The following MYCBP2 variants were observed in gnomAD, a reference collection of about 807,000 sequenced individuals.
MYCBP2 encodes the protein MYC binding protein 2, also known as E3 ubiquitin-protein ligase MYCBP2.
In MYCBP2, 120 loss-of-function variants were observed where a neutral mutation model predicts 525.3. The observed-to-expected ratio is 0.23, with a 90% CI of 0.20 to 0.27. MYCBP2 has a LOEUF of 0.27. Among genes scored for constraint, MYCBP2 ranks in the 10% least tolerant of loss-of-function variants. The pLI is 1.00. For synonymous variants in MYCBP2, 1,894 were observed against 1,955.8 expected, an observed-to-expected ratio of 0.97 and a Z score of 0.83; for missense variants, 4,149 against 5,657.1, an observed-to-expected ratio of 0.73 and a Z score of 8.55.
intron 17 of MYCBP2, among the ~76,000 whole-genome samples, chr13:77,239,444 A>G (rs942852643): frequency 8.5e-5 from 13 of 152,204 alleles, no homozygotes; most frequent in Non-Finnish European, 1.9e-4. Context: ...ACAGTGCCAG[A>G]GAAGAGCCTT....
At chr13:77,087,178 T>C (rs2044462565) in intron 62 of MYCBP2, among the ~76,000 whole-genome samples, 1 of 152,126 alleles carries the variant, frequency 6.6e-6, no homozygotes, top group Admixed American at 6.6e-5. Context: ...ATAAGATAAA[T>C]GTCACCTAGA....
At position 77,232,381 on chromosome 13, in the gene MYCBP2, T is replaced by C. The variant is rs140774945; in HGVS notation, c.2737+775A>G. The stretch of plus-strand genomic sequence containing the variant: ...AAGAACACTGGTTCAAAGGCCAGGA[T>C]ACAAGGCAAAAATTTTATATAAATT... On this transcript the variant is annotated intron_variant, in intron 18 of 82. Transcript: ENST00000544440. Among the ~76,000 whole-genome samples the C allele has an allele frequency of 9.8e-5, 15 of 152,290 alleles. No individual in the cohort carries two copies. The East Asian group carries it at 2.1e-3, about 22-fold the overall frequency.
chr13:77,148,138 A>G (rs2055900961), intron 47 of MYCBP2, among the ~76,000 whole-genome samples: 1 of 151,998 alleles, frequency 6.6e-6, no homozygotes, highest in Non-Finnish European at 1.5e-5. Flanking sequence ...TTTTAATAGT[A>G]GAAATAATTT....
At chr13:77,129,725 T>C (rs2052404584) in intron 52 of MYCBP2, 1 of 151,794 alleles carries the variant, frequency 6.6e-6, no homozygotes, top group Non-Finnish European at 1.5e-5. Flanking sequence ...AAATAAAAAC[T>C]AAAAAAGTAA....
chr13:77,091,712 A>G (rs1272937862), intron 59 of MYCBP2, among the ~76,000 whole-genome samples: 1 of 152,060 alleles, frequency 6.6e-6, no homozygotes, highest in East Asian at 1.9e-4. Flanking sequence ...TAATGAATTC[A>G]TTTATTCATC....
At chr13:77,083,215 T>A in intron 62 of MYCBP2, 23 bp from the exon 63 acceptor site, 1 of 1,606,224 alleles carries the variant, frequency 6.2e-7, no homozygotes, top group Non-Finnish European at 8.5e-7. Flanking sequence ...TTGAAACAAG[T>A]TTATCAGTTT....
chr13:77,145,121 C>T (rs1012465283), intron 48 of MYCBP2, among the ~76,000 whole-genome samples: 2 of 152,136 alleles, frequency 1.3e-5, no homozygotes, highest in African/African-American at 4.8e-5. Flanking sequence ...TATCAAACTC[C>T]ATTCTCTCAC....
At chr13:77,161,782 G>C in intron 44 of MYCBP2, 124 bp downstream of exon 44, 1 of 691,284 alleles carries the variant, frequency 1.4e-6, no homozygotes, top group Non-Finnish European at 2.5e-6. Flanking sequence ...TCTCTATAAT[G>C]CCAATGAATA....
At chr13:77,153,768 A>G (rs2056848957) in intron 46 of MYCBP2, among the ~76,000 whole-genome samples, 1 of 150,918 alleles carries the variant, frequency 6.6e-6, no homozygotes, top group Admixed American at 6.6e-5. Flanking sequence ...TTTTTAATTC[A>G]CAGGAAGTTT....
At chr13:77,154,849 C>A (rs1193829920) in intron 46 of MYCBP2, among the ~76,000 whole-genome samples, 1 of 151,740 alleles carries the variant, frequency 6.6e-6, no homozygotes, top group Non-Finnish European at 1.5e-5. Flanking sequence ...ATGCTTTTTG[C>A]ATTGTATAGA....
intron 44 of MYCBP2, 63 bp downstream of exon 44, chr13:77,161,843 C>G (rs533501376): frequency 7.8e-7 from 1 of 1,274,996 alleles, no homozygotes; most frequent in Non-Finnish European, 1.1e-6. Context: ...ATAGGCTGAT[C>G]TGAGTGACAA....
intron 55 of MYCBP2, among the ~76,000 whole-genome samples, chr13:77,114,378 C>T (rs1383704469): frequency 2.0e-5 from 3 of 151,952 alleles, no homozygotes; most frequent in African/African-American, 7.2e-5. Context: ...ATTGGGAATC[C>T]CATTTTATAA....
At chr13:77,190,443 T>C (rs2061190522) in intron 28 of MYCBP2, 108 bp from the exon 29 acceptor site, 1 of 680,926 alleles carries the variant, frequency 1.5e-6, no homozygotes, top group Non-Finnish European at 2.5e-6. Context: ...ATTCACTCTT[T>C]TACATAAAGA....
intron 70 of MYCBP2, 41 bp from the exon 71 acceptor site, chr13:77,067,905 T>C (rs1298769028): frequency 1.3e-6 from 2 of 1,541,464 alleles, no homozygotes; most frequent in Admixed American, 4.0e-5. Flanking sequence ...ATGTAAAGAC[T>C]AATGTTTTAA....
intron 8 of MYCBP2, among the ~76,000 whole-genome samples, chr13:77,265,616 T>C (rs1200559523): frequency 6.6e-6 from 1 of 152,154 alleles, no homozygotes; most frequent in African/African-American, 2.4e-5. Context: ...TTATGTCAAC[T>C]TGAAACATGG....
At chr13:77,089,453 TA>T (rs2044971991) in intron 60 of MYCBP2, among the ~76,000 whole-genome samples, 1 of 152,146 alleles carries the variant, frequency 6.6e-6, no homozygotes, top group South Asian at 2.1e-4. Context: ...ATGTTTTTCT[TA>T]AAAGTCTTCA....
At chr13:77,224,750 CTT>C (rs1381117572) in intron 19 of MYCBP2, among the ~76,000 whole-genome samples, 1 of 152,122 alleles carries the variant, frequency 6.6e-6, no homozygotes, top group Non-Finnish European at 1.5e-5. Context: ...ATAATACACA[CTT>C]AAAAATTCGT....
intron 27 of MYCBP2, 135 bp from the exon 28 acceptor site, chr13:77,191,948 A>C (rs2061336949): frequency 1.6e-5 from 13 of 818,708 alleles, no homozygotes; most frequent in Non-Finnish European, 2.5e-5. Context: ...AACATTAAAA[A>C]CACTCTAAGA....
rs2055521752 is a variant in MYCBP2 at position 77,146,215 on chromosome 13, A to C, written c.7134T>G (p.Val2378=). 8 of 1,592,072 alleles carry C rather than the reference A, an allele frequency of 5.0e-6. No individual in the cohort carries two copies. Among genetic ancestry groups the C allele is most frequent in the Non-Finnish European group, 6.8e-6 (8 of 1,168,918 alleles). The stretch of plus-strand genomic sequence containing the variant: ...GTTCTTCAAATGAATAATTTTCATA[A>C]ACCTTTAAGAAAGAGACCAGTCTGA... ...ARYIAITMMK[V]YENYSFEELR... is the part of the protein sequence containing the mutation. The change falls in exon 48 of 83, where the codon GTT becomes GTG. Residue 2378 remains valine (V), a splice_region_variant and synonymous_variant. Coordinates refer to ENST00000544440, the MANE Select transcript of MYCBP2 (RefSeq NM_015057.5).
Sources: gnomAD v4.1 joint callset for allele counts (sites outside exome capture counted in the v4.1 genomes callset) on GRCh38, gnomAD v4.1.1 for gene constraint, MANE v1.5 for transcripts, NCBI Gene and HGNC (gene_info 2026-07-23, HGNC 2026-07-21) for gene names.